Variants in SRBD1 observed in about 807,000 individuals in gnomAD.
SRBD1 encodes S1 RNA-binding domain-containing protein 1.
SRBD1 carries 88 observed loss-of-function variants against 115.3 expected under a neutral mutation model. The observed-to-expected ratio is 0.76, with a 90% CI of 0.64 to 0.91. SRBD1 has a LOEUF of 0.91. Among genes scored for constraint, SRBD1 ranks in the 40% least tolerant of loss-of-function variants. SRBD1 has a pLI of 0.00. For synonymous variants in SRBD1, 509 were observed against 407.7 expected, an observed-to-expected ratio of 1.25 and a Z score of -2.99; for missense variants, 1,385 against 1,177.4, an observed-to-expected ratio of 1.18 and a Z score of -2.58.
Position 45,572,805 on chromosome 2 carries a change from A to G in SRBD1, c.1305+402T>C, listed in dbSNP as rs141677906. 1.4e-4 allele frequency among the ~76,000 whole-genome samples: 21 copies of G among 152,282 alleles called. No homozygotes were observed. The East Asian group carries it at 3.5e-3, about 25-fold the overall frequency. ...AAAAATGAAATTAAAACACTGAGAT[A>G]CAATGACTGATTTATATAAGTAAAT... is the stretch of plus-strand genomic sequence containing the variant. On this transcript the variant is annotated intron_variant, in intron 9 of 20. Transcript: ENST00000263736.
chr2:45,574,374 C>T (rs905776795), intron 8 of SRBD1, among the ~76,000 whole-genome samples: 3 of 152,184 alleles, frequency 2.0e-5, no homozygotes, highest in African/African-American at 2.4e-5. Flanking sequence ...CATCAGGCCC[C>T]TCCACTGAGA....
chr2:45,407,252 T>C (rs527787082), intron 19 of SRBD1, among the ~76,000 whole-genome samples: 51 of 152,318 alleles, frequency 3.3e-4, no homozygotes, highest in African/African-American at 1.1e-3. Context: ...GAAGGTTGTT[T>C]GTACTGGACC....
chr2:45,599,311 A>C (rs1233593584), intron 4 of SRBD1, 138 bp downstream of exon 4: 2 of 1,210,246 alleles, frequency 1.7e-6, no homozygotes. Context: ...TACAAGTAGG[A>C]AAGCCTCCAG....
intron 14 of SRBD1, among the ~76,000 whole-genome samples, chr2:45,530,575 T>A (rs1352608922): frequency 6.6e-6 from 1 of 151,978 alleles, no homozygotes; most frequent in Non-Finnish European, 1.5e-5. Context: ...CTATGATGGG[T>A]CATATCAAAT....
At chr2:45,484,566 T>C (rs920400681) in intron 15 of SRBD1, among the ~76,000 whole-genome samples, 5 of 152,208 alleles carry the variant, frequency 3.3e-5, no homozygotes, top group African/African-American at 1.2e-4. Flanking sequence ...GGGATGTTAA[T>C]TGTTATTGTT....
chr2:45,541,308 C>T (rs1049715489), intron 14 of SRBD1, among the ~76,000 whole-genome samples: 4 of 152,208 alleles, frequency 2.6e-5, no homozygotes, highest in African/African-American at 9.7e-5. Flanking sequence ...AAAGAGGGTG[C>T]CATAGCCCTG....
chr2:45,576,815 G>C (rs1318275685), intron 7 of SRBD1, among the ~76,000 whole-genome samples: 5 of 152,170 alleles, frequency 3.3e-5, no homozygotes, highest in Non-Finnish European at 4.4e-5. Context: ...CCTACAGGGA[G>C]AACCATTAAT....
chr2:45,513,374 G>A (rs1671027549), intron 14 of SRBD1, among the ~76,000 whole-genome samples: 1 of 151,344 alleles, frequency 6.6e-6, no homozygotes, highest in Non-Finnish European at 1.5e-5. Context: ...TGTAACAAGG[G>A]CTAGATTACA....
At chr2:45,575,974 G>C (rs1417165228) in intron 7 of SRBD1, among the ~76,000 whole-genome samples, 1 of 152,218 alleles carries the variant, frequency 6.6e-6, no homozygotes, top group Non-Finnish European at 1.5e-5. Flanking sequence ...AAAGTGTTGG[G>C]ATTACAGGCG....
intron 15 of SRBD1, among the ~76,000 whole-genome samples, chr2:45,479,473 T>C (rs1669898422): frequency 6.6e-6 from 1 of 152,132 alleles, no homozygotes; most frequent in Non-Finnish European, 1.5e-5. Flanking sequence ...TTTGCTGATA[T>C]GGAGAAAGTC....
At chr2:45,574,377 C>T (rs906953426) in intron 8 of SRBD1, among the ~76,000 whole-genome samples, 1 of 152,206 alleles carries the variant, frequency 6.6e-6, no homozygotes, top group Non-Finnish European at 1.5e-5. Flanking sequence ...CAGGCCCCTC[C>T]ACTGAGATGC....
At chr2:45,397,713 C>T (rs1484891675) in intron 19 of SRBD1, among the ~76,000 whole-genome samples, 1 of 152,194 alleles carries the variant, frequency 6.6e-6, no homozygotes, top group African/African-American at 2.4e-5. Flanking sequence ...AAGCGATCCT[C>T]CTCCCTTGGC....
chr2:45,484,848 T>G (rs1366739193), intron 15 of SRBD1, among the ~76,000 whole-genome samples: 1 of 152,222 alleles, frequency 6.6e-6, no homozygotes, highest in African/African-American at 2.4e-5. Flanking sequence ...TGTAGTCTTT[T>G]GGGATTGGCT....
At chr2:45,515,138 T>C (rs1399528352) in intron 14 of SRBD1, among the ~76,000 whole-genome samples, 11 of 152,194 alleles carry the variant, frequency 7.2e-5, no homozygotes, top group Admixed American at 7.2e-4. Context: ...GAAGAAATTA[T>C]ATCCTATATA....
At chr2:45,585,355 A>T (rs1371648372) in intron 5 of SRBD1, among the ~76,000 whole-genome samples, 1 of 152,240 alleles carries the variant, frequency 6.6e-6, no homozygotes, top group Non-Finnish European at 1.5e-5. Context: ...CTATGAAAGA[A>T]GATGACAGTC....
chr2:45,561,297 C>T (rs1672657572), intron 10 of SRBD1, among the ~76,000 whole-genome samples: 1 of 152,138 alleles, frequency 6.6e-6, no homozygotes, highest in Middle Eastern at 3.2e-3. Context: ...CACAGAATTC[C>T]ACCATATGGA....
chr2:45,598,927 C>CA (rs1295815831), intron 4 of SRBD1, among the ~76,000 whole-genome samples: 15 of 152,010 alleles, frequency 9.9e-5, no homozygotes, highest in Non-Finnish European at 2.2e-4. Context: ...CAAAGCCAGC[C>CA]AAAAAAACTG....
At chr2:45,398,551 C>T (rs1421644371) in intron 19 of SRBD1, among the ~76,000 whole-genome samples, 1 of 152,128 alleles carries the variant, frequency 6.6e-6, no homozygotes, top group East Asian at 1.9e-4. Context: ...ATACTCATTG[C>T]ATGTTGCATT....
chr2:45,406,340 A>C (rs1667436320), intron 19 of SRBD1, among the ~76,000 whole-genome samples: 1 of 152,214 alleles, frequency 6.6e-6, no homozygotes, highest in African/African-American at 2.4e-5. Context: ...AAGAACTGTC[A>C]CCAGGTGAAT....
Sources: gnomAD v4.1 joint callset for allele counts (sites outside exome capture counted in the v4.1 genomes callset) on GRCh38, gnomAD v4.1.1 for gene constraint, MANE v1.5 for transcripts, NCBI Gene and HGNC (gene_info 2026-07-23, HGNC 2026-07-21) for gene names.